The following CACNA2D3 variants were observed in gnomAD, a reference collection of about 807,000 sequenced individuals.
CACNA2D3 encodes voltage-dependent calcium channel subunit alpha-2/delta-3.
A neutral mutation model predicts 160.6 loss-of-function variants in CACNA2D3; 60 were observed. The observed-to-expected ratio is 0.37, with a 90% CI of 0.30 to 0.46. CACNA2D3 has a LOEUF of 0.46. Ranked by LOEUF, CACNA2D3 falls within the 20% of genes least tolerant of loss-of-function variation. The probability of loss-of-function intolerance (pLI) is 1.00; values close to 1 mark genes in which losing one functional copy is unlikely to be tolerated. For synonymous variants in CACNA2D3, 558 were observed against 492.9 expected, an observed-to-expected ratio of 1.13 and a Z score of -1.75; for missense variants, 1,205 against 1,365.0, an observed-to-expected ratio of 0.88 and a Z score of 1.85.
In CACNA2D3 at chr3:54,990,527, T is replaced by A. The variant is rs59823764; in HGVS notation, c.2690+2774T>A. ...GCCTGGGTGACAGAGCGAGACTCCA[T>A]CTCAAACAAAAAAAAGAAAGAAAGA... On this transcript the variant is annotated intron_variant, in intron 31 of 37. Coordinates refer to ENST00000474759, the MANE Select transcript of CACNA2D3 (RefSeq NM_018398.3). Among the ~76,000 whole-genome samples the A allele has an allele frequency of 8.1e-3, 1,233 of 152,030 alleles. 19 individuals are homozygous for A. Among genetic ancestry groups the A allele is most frequent in the African/African-American group, 0.028 (1,179 of 41,464 alleles).
At chr3:54,893,530 G>A (rs1700117424) in intron 25 of CACNA2D3, among the ~76,000 whole-genome samples, 2 of 152,004 alleles carry the variant, frequency 1.3e-5, no homozygotes, top group Admixed American at 6.6e-5. Context: ...CCAGCTATTT[G>A]GATACACTCT....
intron 2 of CACNA2D3, among the ~76,000 whole-genome samples, chr3:54,249,886 A>C (rs1702153790): frequency 6.6e-6 from 1 of 152,030 alleles, no homozygotes; most frequent in Admixed American, 6.6e-5. Context: ...GTTTGAAAAC[A>C]ATTATGCCAT....
intron 13 of CACNA2D3, among the ~76,000 whole-genome samples, chr3:54,810,124 TGTC>T (rs1703263941): frequency 1.3e-5 from 2 of 152,134 alleles, no homozygotes; most frequent in Non-Finnish European, 2.9e-5. Context: ...GACGTGAAGT[TGTC>T]GGGGCAGAGC....
intron 2 of CACNA2D3, among the ~76,000 whole-genome samples, chr3:54,131,655 T>C (rs1430111168): frequency 6.6e-6 from 1 of 152,246 alleles, no homozygotes; most frequent in African/African-American, 2.4e-5. Flanking sequence ...GTCACTTTGA[T>C]CCCATAATTA....
chr3:54,379,026 T>G (rs80300321), intron 3 of CACNA2D3, among the ~76,000 whole-genome samples: 9,173 of 152,312 alleles, frequency 0.06, 338 homozygotes, highest in Middle Eastern at 0.11. Context: ...ATGTAAACTC[T>G]AGGCTTATTT....
rs565685433 is a variant in CACNA2D3, at chr3:54,748,570, CTTTT to C, written c.1168-4020_1168-4017del. ...AAATGAGCGAAGAGGCTGATGCAGA[CTTTT>C]TTTTTTTTCACCCCTGCCTTTGAGC... is the stretch of plus-strand genomic sequence containing the variant. On this transcript the variant is annotated intron_variant, in intron 11 of 37. Transcript: ENST00000474759. Among the ~76,000 whole-genome samples the C allele has an allele frequency of 2.7e-5, 4 of 146,000 alleles. No individual in the cohort carries two copies. The East Asian group carries it at 7.9e-4, about 29-fold the overall frequency.
rs188272160 is a variant in CACNA2D3, at chr3:54,225,946, C to T, written c.205-94496C>T. 2.2e-4 allele frequency among the ~76,000 whole-genome samples: 33 copies of T among 152,210 alleles called. No individual in the cohort carries two copies. In the East Asian group the frequency reaches 6.4e-3, roughly 29 times the overall value. ...ACTGAGACTAGGAGCAGTGAGTTCACCTTCACCGGATTGGGGACTGAACTG... is the reference window on the plus strand; with the variant it reads ...ACTGAGACTAGGAGCAGTGAGTTCATCTTCACCGGATTGGGGACTGAACTG... On this transcript the variant is annotated intron_variant, in intron 2 of 37. Transcript: ENST00000474759.
chr3:54,869,050 C>T (rs1457469051), intron 17 of CACNA2D3, among the ~76,000 whole-genome samples: 1 of 152,146 alleles, frequency 6.6e-6, no homozygotes, highest in East Asian at 1.9e-4. Context: ...GATCACACAC[C>T]CAATGTGATG....
intron 3 of CACNA2D3, among the ~76,000 whole-genome samples, chr3:54,350,305 T>G: frequency 6.6e-6 from 1 of 152,218 alleles, no homozygotes; most frequent in Non-Finnish European, 1.5e-5. Context: ...TAAATGGATA[T>G]TTCAGATAAG....
intron 3 of CACNA2D3, among the ~76,000 whole-genome samples, chr3:54,321,578 C>T (rs758061820): frequency 1.3e-5 from 2 of 152,114 alleles, no homozygotes; most frequent in Non-Finnish European, 2.9e-5. Flanking sequence ...TTGTATTATC[C>T]TTGTAACACC....
At chr3:54,957,046 C>T (rs1199220963) in intron 27 of CACNA2D3, among the ~76,000 whole-genome samples, 1 of 152,086 alleles carries the variant, frequency 6.6e-6, no homozygotes, top group Non-Finnish European at 1.5e-5. Flanking sequence ...GTTTTTTAAG[C>T]TTCTAGCAGA....
At chr3:54,254,057 G>A (rs780832390) in intron 2 of CACNA2D3, among the ~76,000 whole-genome samples, 8 of 152,166 alleles carry the variant, frequency 5.3e-5, no homozygotes, top group Admixed American at 6.5e-5. Context: ...GAGCAACTGC[G>A]CCCGGCCGAT....
intron 4 of CACNA2D3, among the ~76,000 whole-genome samples, chr3:54,491,264 C>G (rs1185236556): frequency 6.6e-6 from 1 of 152,170 alleles, no homozygotes; most frequent in Non-Finnish European, 1.5e-5. Flanking sequence ...CCAGTTGGCT[C>G]TACAGCATGC....
At chr3:54,768,023 C>A (rs996559314) in intron 13 of CACNA2D3, among the ~76,000 whole-genome samples, 2 of 152,088 alleles carry the variant, frequency 1.3e-5, no homozygotes, top group East Asian at 3.9e-4. Flanking sequence ...GTTGGAAAAT[C>A]ACTATTTTGC....
chr3:54,333,735 G>A (rs1266450854), intron 3 of CACNA2D3, among the ~76,000 whole-genome samples: 1 of 152,224 alleles, frequency 6.6e-6, no homozygotes, highest in Admixed American at 6.5e-5. Flanking sequence ...TTAATTTTCA[G>A]CTACATTTAG....
At chr3:54,405,749 G>A (rs1699563498) in intron 4 of CACNA2D3, among the ~76,000 whole-genome samples, 1 of 151,862 alleles carries the variant, frequency 6.6e-6, no homozygotes, top group Non-Finnish European at 1.5e-5. Context: ...CTTCTGCACA[G>A]CAATGGAAAC....
At chr3:54,219,751 A>G (rs1366158068) in intron 2 of CACNA2D3, among the ~76,000 whole-genome samples, 6 of 151,988 alleles carry the variant, frequency 3.9e-5, no homozygotes, top group Non-Finnish European at 8.8e-5. Context: ...ACATGGATAG[A>G]TGGTGTGTTG....
chr3:54,654,849 T>G (rs1464897662), intron 11 of CACNA2D3, among the ~76,000 whole-genome samples: 1 of 152,160 alleles, frequency 6.6e-6, no homozygotes, highest in Non-Finnish European at 1.5e-5. Flanking sequence ...CCTGCTAGGA[T>G]GAAGGCGTTG....
intron 11 of CACNA2D3, among the ~76,000 whole-genome samples, chr3:54,702,235 A>G (rs539566241): frequency 1.1e-4 from 16 of 152,320 alleles, no homozygotes; most frequent in African/African-American, 2.9e-4. Context: ...CTCAAAAGCA[A>G]TTGCAACAAA....
Sources: allele counts gnomAD v4.1 joint callset (sites outside exome capture counted in the v4.1 genomes callset), GRCh38; gene constraint gnomAD v4.1.1; transcripts MANE v1.5; gene names NCBI Gene and HGNC (gene_info 2026-07-23, HGNC 2026-07-21).